The following C10orf90 variants were observed in gnomAD, a reference collection of about 807,000 sequenced individuals.
The protein encoded by C10orf90 is chromosome 10 open reading frame 90, also known as (E2-independent) E3 ubiquitin-conjugating enzyme FATS.
A neutral mutation model predicts 62.5 loss-of-function variants in C10orf90; 56 were observed. The ratio of observed to expected loss-of-function variants is 0.90; its 90% CI spans 0.72 to 1.12. The LOEUF is 1.12. C10orf90 is among the 50% of genes most tolerant of loss of function. The pLI, the probability that C10orf90 is intolerant of heterozygous loss-of-function variation, is 0.00. For synonymous variants in C10orf90, 386 were observed against 340.4 expected, an observed-to-expected ratio of 1.13 and a Z score of -1.47; for missense variants, 970 against 880.4, an observed-to-expected ratio of 1.10 and a Z score of -1.29.
chr10:126,443,660 C>T (rs1188746716), intron 7 of C10orf90, among the ~76,000 whole-genome samples: 3 of 151,866 alleles, frequency 2.0e-5, no homozygotes, highest in African/African-American at 7.3e-5. Context: ...AAAAGGAAAC[C>T]CTCCCTAATT....
chr10:126,584,892 C>T (rs1208455295), intron 2 of C10orf90, among the ~76,000 whole-genome samples: 2 of 152,050 alleles, frequency 1.3e-5, no homozygotes, highest in Non-Finnish European at 2.9e-5. Context: ...TTGACAAGCC[C>T]TCTCTTCCCT....
At chr10:126,475,410 C>T (rs1860805031) in intron 4 of C10orf90, among the ~76,000 whole-genome samples, 1 of 152,222 alleles carries the variant, frequency 6.6e-6, no homozygotes, top group Admixed American at 6.5e-5. Context: ...GACTTTCCTA[C>T]ATTTTAGAAT....
In C10orf90 at chr10:126,503,919, A is replaced by T. The variant is rs1393526489; in HGVS notation, c.1534+38T>A. 19 of 1,566,064 alleles carry T rather than the reference A, an allele frequency of 1.2e-5. No individual in the cohort carries two copies. In the East Asian group the frequency reaches 4.3e-4, roughly 35 times the overall value. On this transcript the variant is annotated intron_variant, in intron 4 of 9. Transcript: ENST00000488181. ...CAACAGTCACCTTGCTAGGACATTT[A>T]CTCAGGTCACCCTCCTGCAGATGGA...
At chr10:126,487,320 C>T (rs182578824) in intron 4 of C10orf90, among the ~76,000 whole-genome samples, 13 of 152,002 alleles carry the variant, frequency 8.6e-5, no homozygotes, top group Admixed American at 8.5e-4. Context: ...AAGGATAACA[C>T]ATCATTAAAA....
At chr10:126,555,706 AAATAAATAAAT>A (rs1286910119) in intron 2 of C10orf90, among the ~76,000 whole-genome samples, 93 of 149,060 alleles carry the variant, frequency 6.2e-4, no homozygotes, top group African/African-American at 2.2e-3. Context: ...ATAAATAAAT[AAATAAATAAAT>A]AAAAATTAAA....
chr10:126,474,802 C>T (rs1459012193), intron 4 of C10orf90, among the ~76,000 whole-genome samples: 1 of 152,238 alleles, frequency 6.6e-6, no homozygotes, highest in Non-Finnish European at 1.5e-5. Context: ...ACGTAACTTG[C>T]AATTCAGCCA....
At chr10:126,584,254 C>G (rs906358617) in intron 2 of C10orf90, among the ~76,000 whole-genome samples, 3 of 152,098 alleles carry the variant, frequency 2.0e-5, no homozygotes, top group Non-Finnish European at 1.5e-5. Flanking sequence ...TTCCATCTGT[C>G]TGCCTGCCTG....
chr10:126,584,193 C>T (rs1844810778), intron 2 of C10orf90, among the ~76,000 whole-genome samples: 1 of 152,144 alleles, frequency 6.6e-6, no homozygotes. Context: ...TACGTGTCTG[C>T]CTGTCAATCT....
chr10:126,579,328 C>A (rs1844697089), intron 2 of C10orf90, among the ~76,000 whole-genome samples: 1 of 150,068 alleles, frequency 6.7e-6, no homozygotes, highest in Non-Finnish European at 1.5e-5. Context: ...ACAACTTCTG[C>A]CTCTTGGGTT....
chr10:126,521,266 G>C (rs1863728764), intron 2 of C10orf90: 2 of 1,608,490 alleles, frequency 1.2e-6, no homozygotes, highest in Non-Finnish European at 1.7e-6. Context: ...ATTTTAATAA[G>C]GGTTATATCT....
intron 2 of C10orf90, among the ~76,000 whole-genome samples, chr10:126,542,503 G>A (rs993217360): frequency 2.0e-5 from 3 of 151,760 alleles, no homozygotes; most frequent in East Asian, 1.9e-4. Flanking sequence ...ACTCTGTCTC[G>A]AAAAATAAAT....
intron 3 of C10orf90, among the ~76,000 whole-genome samples, chr10:126,507,857 G>A (rs939210399): frequency 6.6e-6 from 1 of 152,098 alleles, no homozygotes; most frequent in Non-Finnish European, 1.5e-5. Flanking sequence ...TCCCCTTGTA[G>A]CACTTTTTAT....
intron 4 of C10orf90, among the ~76,000 whole-genome samples, chr10:126,497,755 C>T (rs7914546): frequency 0.2 from 30,680 of 152,152 alleles, 3,124 homozygotes; most frequent in Middle Eastern, 0.31. Flanking sequence ...GTCCCAACTA[C>T]TCAACTTTGC....
intron 1 of C10orf90, among the ~76,000 whole-genome samples, chr10:126,650,520 G>A (rs1473101831): frequency 6.6e-6 from 1 of 152,074 alleles, no homozygotes; most frequent in Non-Finnish European, 1.5e-5. Flanking sequence ...CACAAAGAGG[G>A]TAAGTAACTT....
intron 2 of C10orf90, among the ~76,000 whole-genome samples, chr10:126,565,429 A>ATTATATATAATATATATTATATATAT (rs1376476554): frequency 8.5e-5 from 1 of 11,808 alleles, no homozygotes; most frequent in African/African-American, 2.0e-4. Context: ...TATATATTAT[A>ATTATATATAATATATATTATATATAT]TATATTATAC....
intron 1 of C10orf90, among the ~76,000 whole-genome samples, chr10:126,653,038 C>A (rs571547796): frequency 1.3e-5 from 2 of 152,080 alleles, no homozygotes; most frequent in Non-Finnish European, 2.9e-5. Flanking sequence ...ATGTACATAC[C>A]TTAATTTTAA....
chr10:126,499,122 G>A (rs917450217), intron 4 of C10orf90, among the ~76,000 whole-genome samples: 14 of 152,216 alleles, frequency 9.2e-5, no homozygotes, highest in Non-Finnish European at 2.1e-4. Context: ...ATTGGCAACA[G>A]CCACATTTAT....
chr10:126,525,257 C>T (rs1399019190), intron 2 of C10orf90, among the ~76,000 whole-genome samples: 1 of 152,214 alleles, frequency 6.6e-6, no homozygotes. Context: ...TCTGGAGGCG[C>T]ATTCGGCCCA....
At chr10:126,495,232 A>G (rs1458083274) in intron 4 of C10orf90, among the ~76,000 whole-genome samples, 1 of 152,136 alleles carries the variant, frequency 6.6e-6, no homozygotes, top group Non-Finnish European at 1.5e-5. Context: ...GCATTGGATG[A>G]GTGTGTTTTG....
Sources: gnomAD v4.1 joint callset for allele counts (sites outside exome capture counted in the v4.1 genomes callset) on GRCh38, gnomAD v4.1.1 for gene constraint, MANE v1.5 for transcripts, NCBI Gene and HGNC (gene_info 2026-07-23, HGNC 2026-07-21) for gene names.